The following STARD13 variants were observed in gnomAD, a reference collection of about 807,000 sequenced individuals.
The protein encoded by STARD13 is stAR-related lipid transfer protein 13.
In STARD13, 62 loss-of-function variants were observed where a neutral mutation model predicts 106.4. The ratio of observed to expected loss-of-function variants is 0.58; its 90% CI spans 0.48 to 0.72. The LOEUF (loss-of-function observed/expected upper bound fraction) is 0.72, where lower values mean the gene tolerates loss of function less well. STARD13 is among the 30% of genes least tolerant of loss of function. STARD13 has a pLI of 0.00. For synonymous variants in STARD13, 565 were observed against 553.0 expected (o/e 1.02, Z -0.31); for missense variants, 1,387 against 1,424.0 (o/e 0.97, Z 0.42).
chr13:33,180,391 G>A (rs1160379854), intron 1 of STARD13: 4 of 152,154 alleles, frequency 2.6e-5, no homozygotes, highest in Non-Finnish European at 1.5e-5. Context: ...GGGATCTCAA[G>A]GGCAAAGATG....
At chr13:33,396,531 C>T in the STARD13 span, among the ~76,000 whole-genome samples, 2 of 152,126 alleles carry the variant, frequency 1.3e-5, no homozygotes, top group Non-Finnish European at 1.5e-5. Flanking sequence ...CAAAAGCACA[C>T]ATAGTAAAGG....
chr13:33,527,808 G>T, the STARD13 span, among the ~76,000 whole-genome samples: 1 of 151,602 alleles, frequency 6.6e-6, no homozygotes, highest in Non-Finnish European at 1.5e-5. Context: ...TTGCAAAGAA[G>T]AATCTTACTC....
At chr13:33,248,234 T>G (rs1385748957) in intron 1 of STARD13, among the ~76,000 whole-genome samples, 1 of 151,988 alleles carries the variant, frequency 6.6e-6, no homozygotes, top group East Asian at 1.9e-4. Context: ...ACCTCATTTC[T>G]ACAAAAAATA....
intron 1 of STARD13, among the ~76,000 whole-genome samples, chr13:33,291,335 A>G (rs921759556): frequency 6.6e-6 from 1 of 151,938 alleles, no homozygotes; most frequent in East Asian, 1.9e-4. Context: ...GTTTTTTTCC[A>G]TCGAACCACA....
At chr13:33,370,671 T>A in the STARD13 span, among the ~76,000 whole-genome samples, 1 of 148,642 alleles carries the variant, frequency 6.7e-6, no homozygotes, top group African/African-American at 2.5e-5. Context: ...CAGGCTGGAG[T>A]ATAGTGGCGC....
intron 1 of STARD13, chr13:33,185,935 C>T: frequency 6.2e-7 from 1 of 1,614,242 alleles, no homozygotes; most frequent in East Asian, 2.2e-5. Flanking sequence ...CAGACAGTGT[C>T]TTTGCATTCT....
the STARD13 span, among the ~76,000 whole-genome samples, chr13:33,554,492 C>A: frequency 0.25 from 38,273 of 151,996 alleles, 5,719 homozygotes; most frequent in East Asian, 0.42. Flanking sequence ...CCTTCTTCAT[C>A]GGATTATTAT....
At chr13:33,126,304 A>G (rs1251530391) in intron 6 of STARD13, 64 bp from the exon 7 acceptor site, 1 of 1,548,012 alleles carries the variant, frequency 6.5e-7, no homozygotes, top group African/African-American at 1.4e-5. Flanking sequence ...GAGGCTCTGG[A>G]AGCAAGCATG....
At chr13:33,358,344 ACCCAAGGG>A in the STARD13 span, among the ~76,000 whole-genome samples, 1 of 152,116 alleles carries the variant, frequency 6.6e-6, no homozygotes, top group Admixed American at 6.5e-5. Flanking sequence ...CCCATCGACC[ACCCAAGGG>A]CTGAGGAATG....
chr13:33,345,783 T>C (rs1008476374), downstream of STARD13, among the ~76,000 whole-genome samples: 1 of 152,114 alleles, frequency 6.6e-6, no homozygotes. Flanking sequence ...TATCTTTCCA[T>C]TGGTTTCATT....
the STARD13 span, among the ~76,000 whole-genome samples, chr13:33,556,552 G>A: frequency 5.3e-5 from 8 of 152,136 alleles, no homozygotes; most frequent in African/African-American, 1.9e-4. Flanking sequence ...AAAGCATTGA[G>A]ATTACAGACA....
chr13:33,379,347 G>A, the STARD13 span, among the ~76,000 whole-genome samples: 1 of 152,130 alleles, frequency 6.6e-6, no homozygotes, highest in Non-Finnish European at 1.5e-5. Flanking sequence ...TTTCATAAAA[G>A]CCATATAACA....
chr13:33,263,418 C>T (rs1227728264), intron 1 of STARD13, among the ~76,000 whole-genome samples: 1 of 152,160 alleles, frequency 6.6e-6, no homozygotes, highest in African/African-American at 2.4e-5. Flanking sequence ...GATTCAGGAG[C>T]AGCAAAGTAA....
At chr13:33,440,763 A>T in the STARD13 span, among the ~76,000 whole-genome samples, 1 of 129,728 alleles carries the variant, frequency 7.7e-6, no homozygotes, top group African/African-American at 2.9e-5. Flanking sequence ...CCAGGAAAAC[A>T]GCGATTTTTT....
At chr13:33,526,053 C>T in the STARD13 span, among the ~76,000 whole-genome samples, 13 of 151,946 alleles carry the variant, frequency 8.6e-5, no homozygotes, top group South Asian at 1.9e-3. Flanking sequence ...CTCTTGCTTA[C>T]GATGTTGCTT....
intron 1 of STARD13, among the ~76,000 whole-genome samples, chr13:33,200,803 C>T (rs541625240): frequency 5.0e-4 from 76 of 151,998 alleles, no homozygotes; most frequent in Middle Eastern, 3.4e-3. Context: ...GGGCAGATCA[C>T]GAGGTCAGGA....
the STARD13 span, among the ~76,000 whole-genome samples, chr13:33,660,237 C>T: frequency 6.6e-6 from 1 of 152,128 alleles, no homozygotes; most frequent in Non-Finnish European, 1.5e-5. Flanking sequence ...ATGTCAATGA[C>T]AGTAAGTGAG....
intron 1 of STARD13, among the ~76,000 whole-genome samples, chr13:33,336,903 A>T (rs544296897): frequency 1.3e-5 from 2 of 152,280 alleles, no homozygotes; most frequent in African/African-American, 2.4e-5. Flanking sequence ...TTGGTGAAAA[A>T]GTAATTGTGG....
the STARD13 span, among the ~76,000 whole-genome samples, chr13:33,651,122 C>T: frequency 2.0e-5 from 3 of 152,200 alleles, no homozygotes; most frequent in Admixed American, 1.3e-4. Context: ...CAAAGCTTTA[C>T]TAAGCAACTT....
Sources: gnomAD v4.1 joint callset for allele counts (sites outside exome capture counted in the v4.1 genomes callset) on GRCh38, gnomAD v4.1.1 for gene constraint, MANE v1.5 for transcripts, NCBI Gene and HGNC (gene_info 2026-07-23, HGNC 2026-07-21) for gene names.